PHF14: variants seen among roughly 807,000 people sequenced by gnomAD.
The protein encoded by PHF14 is PHD finger protein 14.
In PHF14, 55 loss-of-function variants were observed where a neutral mutation model predicts 117.9. The observed-to-expected ratio is 0.47, with a 90% CI of 0.38 to 0.58. PHF14 has a LOEUF of 0.58. PHF14 is among the 20% of genes least tolerant of loss of function. The pLI, the probability that PHF14 is intolerant of heterozygous loss-of-function variation, is 0.00. For missense variants in PHF14, 978 were observed against 1,122.2 expected, an observed-to-expected ratio of 0.87 and a Z score of 1.84; for synonymous variants, 409 against 368.6, an observed-to-expected ratio of 1.11 and a Z score of -1.26.
chr7:11,077,083 A>G (rs1785886918), intron 16 of PHF14, among the ~76,000 whole-genome samples: 1 of 151,906 alleles, frequency 6.6e-6, no homozygotes, highest in Non-Finnish European at 1.5e-5. Context: ...TAGGAAATTC[A>G]TAGTATGTTA....
At chr7:10,992,575 A>G (rs1443117200) in intron 4 of PHF14, among the ~76,000 whole-genome samples, 1 of 152,004 alleles carries the variant, frequency 6.6e-6, no homozygotes, top group Non-Finnish European at 1.5e-5. Context: ...AGGCAGGAGA[A>G]TCACTGGAAC....
At chr7:11,063,344 T>A (rs1225325094) in intron 16 of PHF14, 1 of 984,190 alleles carries the variant, frequency 1.0e-6, no homozygotes, top group Non-Finnish European at 1.2e-6. Context: ...GACCACAGTA[T>A]AAATTTTGCA....
chr7:10,990,350 A>T (rs932316533), intron 3 of PHF14, among the ~76,000 whole-genome samples: 7 of 152,186 alleles, frequency 4.6e-5, no homozygotes, highest in Non-Finnish European at 1.0e-4. Flanking sequence ...TACTTTGATT[A>T]CTTGTGGATT....
At chr7:11,065,538 G>A (rs188046806) in intron 16 of PHF14, among the ~76,000 whole-genome samples, 292 of 152,220 alleles carry the variant, frequency 1.9e-3, no homozygotes, top group Non-Finnish European at 3.6e-3. Flanking sequence ...AAAATATAAT[G>A]TTTGATGAAG....
chr7:11,147,079 C>T (rs1413847404), intron 17 of PHF14, among the ~76,000 whole-genome samples: 1 of 152,100 alleles, frequency 6.6e-6, no homozygotes, highest in Admixed American at 6.6e-5. Context: ...ACTCCTTGAG[C>T]TCAAGAGATC....
At chr7:11,076,445 G>A (rs577190326) in intron 16 of PHF14, among the ~76,000 whole-genome samples, 1 of 151,490 alleles carries the variant, frequency 6.6e-6, no homozygotes, top group South Asian at 2.1e-4. Context: ...AAAATGTACT[G>A]TCTGCTTTTT....
Position 10,990,861 on chromosome 7 carries a change from C to A in PHF14, c.1045+14C>A. Reference sequence around the variant, plus strand: ...CAGTCCATGAAGGTAATGTTGCTTTCTTTTCTCTCTTTTTAGAAATGGCTG... The same window carrying A: ...CAGTCCATGAAGGTAATGTTGCTTTATTTTCTCTCTTTTTAGAAATGGCTG... On this transcript the variant is annotated intron_variant, in intron 4 of 17. Coordinates refer to ENST00000634607, the MANE Select transcript of PHF14 (RefSeq NM_001007157.2). 1 of 1,550,190 alleles carries A rather than the reference C, an allele frequency of 6.5e-7. No homozygotes were observed. The highest frequency in any genetic ancestry group is 2.3e-5 in the East Asian group (1 of 42,900).
At chr7:11,023,569 G>T (rs543036128) in intron 6 of PHF14, among the ~76,000 whole-genome samples, 1 of 152,200 alleles carries the variant, frequency 6.6e-6, no homozygotes, top group Non-Finnish European at 1.5e-5. Flanking sequence ...GCTCACGCCT[G>T]TTATCCCAGC....
chr7:11,084,097 G>A (rs923423623), intron 16 of PHF14, among the ~76,000 whole-genome samples: 1 of 152,090 alleles, frequency 6.6e-6, no homozygotes, highest in Non-Finnish European at 1.5e-5. Context: ...TGTTTAAAAT[G>A]TAGTAAAAAT....
At chr7:11,087,423 C>T (rs575053885) in intron 16 of PHF14, among the ~76,000 whole-genome samples, 5 of 152,262 alleles carry the variant, frequency 3.3e-5, no homozygotes, top group African/African-American at 1.2e-4. Flanking sequence ...AACTCCTGAC[C>T]TTGTGATCCA....
intron 14 of PHF14, among the ~76,000 whole-genome samples, chr7:11,053,486 T>C (rs1784912824): frequency 6.6e-6 from 1 of 152,084 alleles, no homozygotes; most frequent in Admixed American, 6.5e-5. Context: ...GGCTAGTTTC[T>C]ATTTCTAAAA....
At chr7:11,011,314 T>C (rs1242012806) in intron 4 of PHF14, among the ~76,000 whole-genome samples, 1 of 152,244 alleles carries the variant, frequency 6.6e-6, no homozygotes, top group Non-Finnish European at 1.5e-5. Flanking sequence ...TTGATGGTTG[T>C]GAGAGGTCAC....
chr7:11,028,101 A>G (rs546749459), intron 6 of PHF14, among the ~76,000 whole-genome samples: 2 of 152,186 alleles, frequency 1.3e-5, no homozygotes, highest in Non-Finnish European at 2.9e-5. Context: ...AATTTAATAC[A>G]CCTAACTTAC....
intron 16 of PHF14, among the ~76,000 whole-genome samples, chr7:11,083,333 T>C (rs1043568738): frequency 6.6e-6 from 1 of 152,252 alleles, no homozygotes; most frequent in Middle Eastern, 3.4e-3. Flanking sequence ...GGAGTCTTAT[T>C]CCTCACTTAT....
rs116667641 is a variant in PHF14, at chr7:11,125,720, A to G, written c.2772+14253A>G. The stretch of plus-strand genomic sequence containing the variant: ...TTACAAGTTGTTTTATGTTTAATAT[A>G]TTGTTCTCTTTTTTTCCTCTGGACT... On this transcript the variant is annotated intron_variant, in intron 17 of 17. Coordinates refer to ENST00000634607, the MANE Select transcript of PHF14 (RefSeq NM_001007157.2). 5.8e-3 allele frequency among the ~76,000 whole-genome samples: 876 copies of G among 152,010 alleles called. 10 individuals carry two copies. The highest frequency in any genetic ancestry group is 0.02 in the African/African-American group (827 of 41,504).
chr7:11,166,058 C>A (rs914319721), intron 17 of PHF14, among the ~76,000 whole-genome samples: 1 of 152,120 alleles, frequency 6.6e-6, no homozygotes, highest in Admixed American at 6.5e-5. Flanking sequence ...TAATTGAGTG[C>A]ACATTCTTGA....
At chr7:11,041,585 T>G (rs1466304403) in intron 12 of PHF14, among the ~76,000 whole-genome samples, 1 of 151,982 alleles carries the variant, frequency 6.6e-6, no homozygotes, top group Non-Finnish European at 1.5e-5. Context: ...TACCTTCTGT[T>G]TTTTTGTTGG....
chr7:11,090,298 C>A (rs1786594703), intron 16 of PHF14, among the ~76,000 whole-genome samples: 1 of 152,088 alleles, frequency 6.6e-6, no homozygotes, highest in Non-Finnish European at 1.5e-5. Context: ...CCTGTAATTG[C>A]CCAGTGAATC....
At chr7:11,023,012 GAGAAAGGT>G in intron 6 of PHF14, 33 bp downstream of exon 6, 1 of 1,241,428 alleles carries the variant, frequency 8.1e-7, no homozygotes, top group Admixed American at 2.0e-5. Context: ...TTGCTTGAAA[GAGAAAGGT>G]TTTACTTGTT....
Sources: gnomAD v4.1 joint callset for allele counts (sites outside exome capture counted in the v4.1 genomes callset) on GRCh38, gnomAD v4.1.1 for gene constraint, MANE v1.5 for transcripts, NCBI Gene and HGNC (gene_info 2026-07-23, HGNC 2026-07-21) for gene names.